Variants in GRM8 observed in about 807,000 individuals in gnomAD.
GRM8 encodes the protein glutamate metabotropic receptor 8.
A neutral mutation model predicts 87.2 loss-of-function variants in GRM8; 47 were observed. That is an observed-to-expected ratio of 0.54 (90% CI 0.43 to 0.69). The LOEUF (loss-of-function observed/expected upper bound fraction) is 0.69. GRM8 is among the 30% of genes least tolerant of loss of function. The pLI is 0.00. For synonymous variants in GRM8, 396 were observed against 404.5 expected, an observed-to-expected ratio of 0.98 and a Z score of 0.25; for missense variants, 1,019 against 1,139.2, an observed-to-expected ratio of 0.89 and a Z score of 1.52.
chr7:127,052,522 T>C (rs958109169), intron 3 of GRM8, among the ~76,000 whole-genome samples: 1 of 152,202 alleles, frequency 6.6e-6, no homozygotes, highest in Non-Finnish European at 1.5e-5. Context: ...CCAGAAAAGT[T>C]TGGTACATAG....
chr7:126,446,300 T>A lies in GRM8; in HGVS notation c.2503A>T (p.Met835Leu), dbSNP rs754318321. 6.2e-7 allele frequency: 1 copy of A among 1,610,908 alleles called. No individual in the cohort carries two copies. Among genetic ancestry groups the A allele is most frequent in the Non-Finnish European group, 8.5e-7 (1 of 1,177,918 alleles). The change falls in exon 10 of 11, where the codon ATG becomes TTG. Residue 835 changes from methionine (M) to leucine (L), a missense_variant. By Grantham distance (15) the Met-to-Leu change is conservative. Coordinates refer to ENST00000339582, the MANE Select transcript of GRM8 (RefSeq NM_000845.3). ...SASVSLGMLY[M>L]PKVYIIIFHP... is the part of the protein sequence containing the mutation. The stretch of plus-strand genomic sequence containing the variant: ...AAAATTATAATATAAACCTTGGGCA[T>A]ATAGAGCATGCCCAGAGATACTGAA...
chr7:127,039,601 G>T (rs1320229172), intron 3 of GRM8, among the ~76,000 whole-genome samples: 1 of 142,700 alleles, frequency 7.0e-6, no homozygotes, highest in Non-Finnish European at 1.5e-5. Flanking sequence ...TGCTGGTCTG[G>T]TCTGCTCTTG....
At chr7:126,546,474 C>A (rs1344481143) in intron 8 of GRM8, among the ~76,000 whole-genome samples, 2 of 152,100 alleles carry the variant, frequency 1.3e-5, no homozygotes, top group African/African-American at 4.8e-5. Flanking sequence ...GTGAAGTCAG[C>A]ATAAGGCATT....
At chr7:126,532,764 G>GATCTAT (rs1815025497) in intron 9 of GRM8, among the ~76,000 whole-genome samples, 188 bp downstream of exon 9, 1 of 110,982 alleles carries the variant, frequency 9.0e-6, no homozygotes, top group Non-Finnish European at 1.8e-5. Context: ...GACGGATGGA[G>GATCTAT]ATATATATAT....
intron 2 of GRM8, among the ~76,000 whole-genome samples, chr7:127,159,709 T>A (rs1469373738): frequency 6.6e-6 from 1 of 152,224 alleles, no homozygotes; most frequent in Admixed American, 6.5e-5. Context: ...TCCCTAGCTA[T>A]ACATGTATAC....
At chr7:127,072,106 T>C (rs1821752172) in intron 3 of GRM8, among the ~76,000 whole-genome samples, 1 of 151,896 alleles carries the variant, frequency 6.6e-6, no homozygotes, top group South Asian at 2.1e-4. Context: ...CATAGACAAC[T>C]AGCTTCCACC....
At chr7:126,628,267 G>C (rs1398142674) in intron 7 of GRM8, among the ~76,000 whole-genome samples, 1 of 151,916 alleles carries the variant, frequency 6.6e-6, no homozygotes, top group Non-Finnish European at 1.5e-5. Flanking sequence ...GGATGGTCTC[G>C]ATCTCCTGAT....
intron 9 of GRM8, among the ~76,000 whole-genome samples, chr7:126,463,944 T>A (rs75519419): frequency 0.057 from 8,708 of 151,812 alleles, 340 homozygotes; most frequent in Middle Eastern, 0.11. Flanking sequence ...ACATTTTTAT[T>A]TTTGCCATTA....
chr7:126,729,985 A>G (rs17150154), intron 7 of GRM8, among the ~76,000 whole-genome samples: 4,184 of 152,262 alleles, frequency 0.027, 208 homozygotes, highest in African/African-American at 0.095. Context: ...ATAGTATCAG[A>G]TATGCAAGAG....
At chr7:126,569,647 T>C (rs1247666192) in intron 8 of GRM8, among the ~76,000 whole-genome samples, 5 of 152,142 alleles carry the variant, frequency 3.3e-5, no homozygotes, top group Non-Finnish European at 7.4e-5. Flanking sequence ...GCTGTGACAA[T>C]AGAAGGGGCC....
chr7:126,489,263 C>T (rs1489889603), intron 9 of GRM8, among the ~76,000 whole-genome samples: 1 of 152,008 alleles, frequency 6.6e-6, no homozygotes, highest in East Asian at 1.9e-4. Context: ...TAATCAAATG[C>T]AATCTTTTGG....
intron 3 of GRM8, among the ~76,000 whole-genome samples, chr7:127,097,790 T>A (rs1365685285): frequency 6.6e-6 from 1 of 152,248 alleles, no homozygotes; most frequent in Non-Finnish European, 1.5e-5. Context: ...AAGAGGGATT[T>A]AAAGAAGTGC....
At chr7:127,132,466 G>T (rs1302552347) in intron 2 of GRM8, among the ~76,000 whole-genome samples, 1 of 151,558 alleles carries the variant, frequency 6.6e-6, no homozygotes, top group Non-Finnish European at 1.5e-5. Flanking sequence ...ATGCCATTCT[G>T]CTCAGTGCTA....
intron 3 of GRM8, among the ~76,000 whole-genome samples, chr7:127,047,055 C>A (rs571251265): frequency 3.8e-4 from 58 of 152,316 alleles, no homozygotes; most frequent in Non-Finnish European, 1.2e-4. Flanking sequence ...GTAGTCTACA[C>A]TGAACATTTA....
chr7:126,498,835 A>G (rs1809186391), intron 9 of GRM8, among the ~76,000 whole-genome samples: 1 of 152,022 alleles, frequency 6.6e-6, no homozygotes, highest in African/African-American at 2.4e-5. Context: ...ATTATGGGTC[A>G]TAAATTACGT....
rs61737178 is a variant in GRM8, at chr7:127,242,733, C to T, written c.472G>A (p.Val158Met). The T allele has an allele frequency of 1.2e-4, 187 of 1,614,044 alleles. No homozygotes were observed. Among genetic ancestry groups the T allele is most frequent in the East Asian group, 1.8e-4 (8 of 44,896 alleles). Reference protein sequence around the residue: ...SGVIGAAASSVSIMVANILRL... With the variant: ...SGVIGAAASSMSIMVANILRL... ...AAAATGTTAGCAACCATGATGGACA[C>T]GGAGCTTGCTGCAGCACCTATGACG... is the stretch of plus-strand genomic sequence containing the variant. The change falls in exon 2 of 11, where the codon GTG becomes ATG. Residue 158 changes from valine to methionine, a missense_variant. Coordinates refer to ENST00000339582, the MANE Select transcript of GRM8 (RefSeq NM_000845.3).
chr7:127,154,425 C>T (rs773816523), intron 2 of GRM8, among the ~76,000 whole-genome samples: 1 of 152,082 alleles, frequency 6.6e-6, no homozygotes, highest in Admixed American at 6.6e-5. Context: ...AGTCCTTTCT[C>T]TCCCCAGCCC....
At chr7:126,530,233 C>T (rs546582462) in intron 9 of GRM8, among the ~76,000 whole-genome samples, 3 of 152,174 alleles carry the variant, frequency 2.0e-5, no homozygotes, top group Non-Finnish European at 2.9e-5. Context: ...CTGTGTGGTT[C>T]GATGCATTCT....
chr7:127,243,514 T>C lies in GRM8; in HGVS notation c.-310A>G, dbSNP rs960783707. Reference sequence around the variant, plus strand: ...GAAATCAGCCTTGTAGCAGAATTATTCCTGGGAAGAGGGGAAAAAAGGGGG... The same window carrying C: ...GAAATCAGCCTTGTAGCAGAATTATCCCTGGGAAGAGGGGAAAAAAGGGGG... On this transcript the variant is annotated splice_region_variant and 5_prime_UTR_variant, in exon 2 of 11. Transcript: ENST00000339582. The C allele has an allele frequency of 3.1e-6, 1 of 325,090 alleles. No individual in the cohort carries two copies. Among genetic ancestry groups the C allele is most frequent in the Non-Finnish European group, 5.6e-6 (1 of 179,142 alleles). The allele number at this position is 325,090 out of a possible 1,614,324, so 20.1% of individuals were successfully genotyped here.
Sources: allele counts gnomAD v4.1 joint callset (sites outside exome capture counted in the v4.1 genomes callset), GRCh38; gene constraint gnomAD v4.1.1; transcripts MANE v1.5; gene names NCBI Gene and HGNC (gene_info 2026-07-23, HGNC 2026-07-21).